The following CCDC91 variants were observed in gnomAD, a reference collection of about 807,000 sequenced individuals.
CCDC91 encodes coiled-coil domain containing 91.
CCDC91 carries 48 observed loss-of-function variants against 63.2 expected under a neutral mutation model. The ratio of observed to expected loss-of-function variants is 0.76; its 90% CI spans 0.60 to 0.97. The LOEUF (loss-of-function observed/expected upper bound fraction) is 0.97, where lower values mean the gene tolerates loss of function less well. Ranked by LOEUF, CCDC91 falls within the 50% of genes least tolerant of loss-of-function variation. The pLI is 0.00. For missense variants in CCDC91, 500 were observed against 494.6 expected (o/e 1.01, Z -0.10); for synonymous variants, 167 against 165.8 (o/e 1.01, Z -0.06).
At chr12:28,518,313 T>A (rs1940186607) in intron 12 of CCDC91, among the ~76,000 whole-genome samples, 3 of 152,048 alleles carry the variant, frequency 2.0e-5, no homozygotes, top group Admixed American at 2.0e-4. Flanking sequence ...TTTAAATTTC[T>A]TATGGCCATT....
chr12:28,522,100 G>A lies in CCDC91; in HGVS notation c.1216-26963G>A, dbSNP rs371646668. ...TGCTGGCCTCATAAAATGAGTTAGG[G>A]AGGATTCCCTCTTTTTCTATTGATT... is the stretch of plus-strand genomic sequence containing the variant. On this transcript the variant is annotated intron_variant, in intron 12 of 12. Coordinates refer to ENST00000536442, the MANE Select transcript of CCDC91 (RefSeq NM_018318.5). 2.2e-3 allele frequency among the ~76,000 whole-genome samples: 333 copies of A among 152,268 alleles called. 6 individuals carry two copies. In the South Asian group the frequency reaches 0.034, roughly 15 times the overall value.
intron 1 of CCDC91, among the ~76,000 whole-genome samples, chr12:28,250,915 C>T (rs1592107465): frequency 6.6e-6 from 1 of 151,492 alleles, no homozygotes; most frequent in South Asian, 2.1e-4. Flanking sequence ...CTAATTAGCT[C>T]AGTCTTAATT....
At chr12:28,506,860 TAAAA>T (rs539633200) in intron 12 of CCDC91, among the ~76,000 whole-genome samples, 2 of 133,828 alleles carry the variant, frequency 1.5e-5, no homozygotes, top group African/African-American at 2.7e-5. Context: ...CCTTCAGGGG[TAAAA>T]AAAAAAAAAG....
At chr12:28,247,404 C>G (rs138731067) in intron 1 of CCDC91, among the ~76,000 whole-genome samples, 3 of 149,746 alleles carry the variant, frequency 2.0e-5, no homozygotes, top group African/African-American at 7.4e-5. Context: ...GGCGTGAACC[C>G]GGGAGGCGGA....
rs1311494809 is a variant in CCDC91 at position 28,223,304 on chromosome 12, T to C, written c.-15+32663T>C. ...GGAGTAGGTGGACAGTTGGTGATGC[T>C]GAGGGTCAAGGTAAACTTTCTGTTT... On this transcript the variant is annotated intron_variant, in intron 1 of 12. Transcript: ENST00000536442. Among the ~76,000 whole-genome samples the C allele has an allele frequency of 2.0e-5, 3 of 152,186 alleles. No homozygotes were observed. In the East Asian group the frequency reaches 5.8e-4, roughly 29 times the overall value.
intron 8 of CCDC91, among the ~76,000 whole-genome samples, chr12:28,425,807 G>A (rs1410388476): frequency 6.6e-6 from 1 of 152,008 alleles, no homozygotes; most frequent in African/African-American, 2.4e-5. Context: ...CAAATTCTGT[G>A]GTACTTCCCC....
intron 8 of CCDC91, among the ~76,000 whole-genome samples, chr12:28,441,057 C>CAAAAAA (rs60278449): frequency 8.0e-4 from 42 of 52,690 alleles, no homozygotes; most frequent in East Asian, 2.1e-3. Flanking sequence ...GACTCCATCT[C>CAAAAAA]AAAAAAAAAA....
At chr12:28,355,844 C>T (rs1943488454) in intron 6 of CCDC91, among the ~76,000 whole-genome samples, 1 of 152,152 alleles carries the variant, frequency 6.6e-6, no homozygotes, top group South Asian at 2.1e-4. Flanking sequence ...TGTGTTAAGG[C>T]AGCCATTATT....
chr12:28,470,936 GAA>G, intron 11 of CCDC91, among the ~76,000 whole-genome samples: 1 of 152,108 alleles, frequency 6.6e-6, no homozygotes, highest in Admixed American at 6.6e-5. Flanking sequence ...CAGAGGATGG[GAA>G]AAGAGTGTAA....
chr12:28,283,773 A>T (rs1948745297), intron 3 of CCDC91, among the ~76,000 whole-genome samples: 1 of 152,210 alleles, frequency 6.6e-6, no homozygotes, highest in African/African-American at 2.4e-5. Flanking sequence ...GATTTTTTAA[A>T]TATGAAATGA....
chr12:28,510,558 T>G (rs1482534807), intron 12 of CCDC91, among the ~76,000 whole-genome samples: 2 of 151,910 alleles, frequency 1.3e-5, no homozygotes, highest in Non-Finnish European at 2.9e-5. Flanking sequence ...GCCACCACAT[T>G]AGGGCAGGCA....
At chr12:28,358,898 C>CT (rs916841358) in intron 6 of CCDC91, among the ~76,000 whole-genome samples, 9 of 151,640 alleles carry the variant, frequency 5.9e-5, no homozygotes, top group African/African-American at 4.8e-5. Context: ...CACACCAATA[C>CT]TTTTTTTTTC....
chr12:28,328,907 C>A (rs1317306450), intron 6 of CCDC91, among the ~76,000 whole-genome samples: 1 of 151,666 alleles, frequency 6.6e-6, no homozygotes, highest in Non-Finnish European at 1.5e-5. Flanking sequence ...ATAAGAAAAA[C>A]AGTTTAAGTC....
At chr12:28,339,553 A>G (rs992359514) in intron 6 of CCDC91, among the ~76,000 whole-genome samples, 4 of 152,076 alleles carry the variant, frequency 2.6e-5, no homozygotes, top group African/African-American at 7.2e-5. Flanking sequence ...TAAAAATAAT[A>G]TAGATAAAAA....
intron 11 of CCDC91, among the ~76,000 whole-genome samples, chr12:28,454,037 A>G (rs772886125): frequency 3.9e-5 from 6 of 152,162 alleles, no homozygotes; most frequent in Non-Finnish European, 7.4e-5. Flanking sequence ...TTTGTCTTCT[A>G]TAGGTTCAGA....
At chr12:28,543,075 G>C (rs1230277390) in intron 12 of CCDC91, among the ~76,000 whole-genome samples, 3 of 152,014 alleles carry the variant, frequency 2.0e-5, no homozygotes, top group African/African-American at 7.2e-5. Flanking sequence ...TTAGCTTCTA[G>C]TGATTCGGCC....
chr12:28,484,706 T>G (rs1167882425), intron 12 of CCDC91, among the ~76,000 whole-genome samples: 1 of 152,038 alleles, frequency 6.6e-6, no homozygotes, highest in Non-Finnish European at 1.5e-5. Context: ...TTTATTAATG[T>G]TAGTCTGAAG....
intron 1 of CCDC91, among the ~76,000 whole-genome samples, chr12:28,243,909 A>T (rs1945524578): frequency 6.6e-6 from 1 of 152,254 alleles, no homozygotes; most frequent in Non-Finnish European, 1.5e-5. Context: ...ATAATTCCCC[A>T]GCAAGTTCTG....
intron 1 of CCDC91, among the ~76,000 whole-genome samples, chr12:28,252,970 T>C (rs1436054896): frequency 2.0e-5 from 3 of 152,172 alleles, no homozygotes; most frequent in African/African-American, 7.2e-5. Context: ...ATGAGGAAAC[T>C]GAGGCACACA....
Sources: allele counts gnomAD v4.1 joint callset (sites outside exome capture counted in the v4.1 genomes callset), GRCh38; gene constraint gnomAD v4.1.1; transcripts MANE v1.5; gene names NCBI Gene and HGNC (gene_info 2026-07-23, HGNC 2026-07-21).